CERS6: variants seen among roughly 807,000 people sequenced by gnomAD.
The protein encoded by CERS6 is LAG1 homolog, ceramide synthase 6.
A neutral mutation model predicts 56.8 loss-of-function variants in CERS6; 26 were observed. The observed-to-expected ratio is 0.46, with a 90% confidence interval of 0.34 to 0.63. The LOEUF is 0.63. CERS6 is among the 30% of genes least tolerant of loss of function. The pLI is 0.01. For synonymous variants in CERS6, 164 were observed against 173.3 expected (o/e 0.95, Z 0.42); for missense variants, 415 against 467.5 (o/e 0.89, Z 1.04).
At chr2:168,724,504 T>C (rs536968601) in intron 8 of CERS6, among the ~76,000 whole-genome samples, 29 of 152,218 alleles carry the variant, frequency 1.9e-4, no homozygotes, top group Admixed American at 1.5e-3. Context: ...GTGGTCTGTT[T>C]TGAGAGGGCG....
intron 4 of CERS6, among the ~76,000 whole-genome samples, chr2:168,651,804 A>C (rs1387526093): frequency 6.6e-6 from 1 of 152,192 alleles, no homozygotes; most frequent in African/African-American, 2.4e-5. Flanking sequence ...AAACCATATC[A>C]GTAACTTTAA....
chr2:168,494,368 T>C (rs3931958), intron 1 of CERS6, among the ~76,000 whole-genome samples: 149,804 of 152,252 alleles, frequency 0.98, 73,744 homozygotes, highest in East Asian at 1. Context: ...CTCTTCGACT[T>C]TGGGCTAGTT....
rs1459041315 is a variant in CERS6 at position 168,599,202 on chromosome 2, TG to T, written c.408-31780del. On this transcript the variant is annotated intron_variant, in intron 3 of 9. Coordinates refer to ENST00000305747, the MANE Select transcript of CERS6 (RefSeq NM_203463.3). ...AGCATGGGAAAATAGGCTGCTTCTC[TG>T]GGTGGAGGAAAATTCTTGGTACAGT... 9.8e-5 allele frequency among the ~76,000 whole-genome samples: 15 copies of T among 152,354 alleles called. No individual in the cohort carries two copies. The East Asian group carries it at 2.7e-3, about 27-fold the overall frequency.
At chr2:168,690,603 G>A (rs1407825040) in intron 4 of CERS6, among the ~76,000 whole-genome samples, 3 of 152,102 alleles carry the variant, frequency 2.0e-5, no homozygotes, top group Non-Finnish European at 4.4e-5. Context: ...GAATAATGTC[G>A]CTTGGTAAAC....
intron 8 of CERS6, among the ~76,000 whole-genome samples, chr2:168,752,378 T>TATATATAAAG (rs1684300618): frequency 6.6e-6 from 1 of 151,596 alleles, no homozygotes; most frequent in African/African-American, 2.4e-5. Flanking sequence ...GTCACCAAGT[T>TATATATAAAG]ATATATAAAG....
At chr2:168,735,485 G>A (rs1294881541) in intron 8 of CERS6, among the ~76,000 whole-genome samples, 6 of 152,206 alleles carry the variant, frequency 3.9e-5, no homozygotes, top group African/African-American at 7.2e-5. Context: ...TAATCAGACC[G>A]TTTCAGGGCT....
chr2:168,553,508 G>A (rs1004466381), intron 2 of CERS6, among the ~76,000 whole-genome samples: 2 of 152,152 alleles, frequency 1.3e-5, no homozygotes, highest in African/African-American at 4.8e-5. Flanking sequence ...AAAATGTTAT[G>A]TGATTGTAGG....
chr2:168,632,111 C>T (rs921964437), intron 4 of CERS6, among the ~76,000 whole-genome samples: 1 of 151,610 alleles, frequency 6.6e-6, no homozygotes, highest in East Asian at 1.9e-4. Context: ...ACTGGAACTA[C>T]TGTCGGGTTA....
At chr2:168,745,712 G>A (rs1684078677) in intron 8 of CERS6, among the ~76,000 whole-genome samples, 1 of 152,178 alleles carries the variant, frequency 6.6e-6, no homozygotes, top group South Asian at 2.1e-4. Context: ...TTCAGACCTG[G>A]AGAAATATGC....
At chr2:168,675,816 A>T (rs1220827097) in intron 4 of CERS6, among the ~76,000 whole-genome samples, 1 of 151,670 alleles carries the variant, frequency 6.6e-6, no homozygotes. Flanking sequence ...CCTCCCAAGT[A>T]GTAGGGAATA....
rs753013042 is a variant in CERS6 at position 168,717,987 on chromosome 2, G to A, written c.845+9G>A. The A allele has an allele frequency of 1.3e-6, 2 of 1,580,412 alleles. No individual in the cohort carries two copies. The highest frequency in any genetic ancestry group is 1.7e-6 in the Non-Finnish European group (2 of 1,153,156). On this transcript the variant is annotated intron_variant, in intron 8 of 9. Transcript: ENST00000305747. ...GGTATATTTCCTCTCTGGTGAGTAT[G>A]CCAGTCTCCTTCCTGATAGAGCCAC... is the stretch of plus-strand genomic sequence containing the variant.
intron 3 of CERS6, among the ~76,000 whole-genome samples, chr2:168,585,501 T>C (rs145287056): frequency 1.3e-5 from 2 of 152,194 alleles, no homozygotes; most frequent in Non-Finnish European, 2.9e-5. Flanking sequence ...ATGTGTGATG[T>C]TGGCCAAGCC....
chr2:168,674,394 C>T (rs566187320), intron 4 of CERS6, among the ~76,000 whole-genome samples: 2 of 152,248 alleles, frequency 1.3e-5, no homozygotes, highest in Admixed American at 1.3e-4. Context: ...TATTGCTAAC[C>T]TTAACAAAAA....
chr2:168,690,464 T>C (rs1270242310), intron 4 of CERS6, among the ~76,000 whole-genome samples: 1 of 152,112 alleles, frequency 6.6e-6, no homozygotes, highest in African/African-American at 2.4e-5. Context: ...TTCCTCAAAT[T>C]AAGAATGATT....
intron 2 of CERS6, among the ~76,000 whole-genome samples, chr2:168,551,281 C>T (rs1695566022): frequency 6.6e-6 from 1 of 152,120 alleles, no homozygotes; most frequent in Admixed American, 6.5e-5. Flanking sequence ...ACCTGTCTTC[C>T]TGTTGCCTGT....
intron 3 of CERS6, among the ~76,000 whole-genome samples, chr2:168,569,468 C>T (rs979442728): frequency 6.6e-6 from 1 of 152,186 alleles, no homozygotes; most frequent in African/African-American, 2.4e-5. Context: ...ATGCGTGTGG[C>T]TCATAACTGG....
In CERS6 at chr2:168,516,532, C is replaced by T. The variant is rs73018587; in HGVS notation, c.171-31064C>T. On this transcript the variant is annotated intron_variant, in intron 1 of 9. Transcript: ENST00000305747. ...CTTTGAAATCAAGTTGTTCAATCTC[C>T]CTGTGCCACAGTGCCTTCATTGATA... Among the ~76,000 whole-genome samples, 1,490 of 152,244 alleles carry T rather than the reference C, an allele frequency of 9.8e-3. 23 individuals carry two copies. The highest frequency in any genetic ancestry group is 0.033 in the African/African-American group (1,380 of 41,540).
chr2:168,601,763 T>A (rs1281926414), intron 3 of CERS6, among the ~76,000 whole-genome samples: 1 of 152,194 alleles, frequency 6.6e-6, no homozygotes. Flanking sequence ...TTGGCCATGT[T>A]GTTCTTGAAC....
At chr2:168,624,996 T>C (rs1331334347) in intron 3 of CERS6, among the ~76,000 whole-genome samples, 1 of 152,176 alleles carries the variant, frequency 6.6e-6, no homozygotes, top group Non-Finnish European at 1.5e-5. Context: ...TCACTTCATT[T>C]GTAATAATTT....
Sources: gnomAD v4.1 joint callset for allele counts (sites outside exome capture counted in the v4.1 genomes callset) on GRCh38, gnomAD v4.1.1 for gene constraint, MANE v1.5 for transcripts, NCBI Gene and HGNC (gene_info 2026-07-23, HGNC 2026-07-21) for gene names.